PBX3: variants seen among roughly 807,000 people sequenced by gnomAD.
The protein encoded by PBX3 is pre-B-cell leukemia transcription factor 3.
PBX3 carries 14 observed loss-of-function variants against 48.5 expected under a neutral mutation model. The observed-to-expected ratio is 0.29, with a 90% CI of 0.19 to 0.45. The LOEUF (loss-of-function observed/expected upper bound fraction) is 0.45, where lower values mean the gene tolerates loss of function less well. PBX3 is among the 20% of genes least tolerant of loss of function. The pLI is 1.00. For synonymous variants in PBX3, 210 were observed against 200.3 expected (o/e 1.05, Z -0.41); for missense variants, 386 against 546.7 (o/e 0.71, Z 2.93).
intron 2 of PBX3, among the ~76,000 whole-genome samples, chr9:125,781,073 C>T (rs1380171203): frequency 6.1e-5 from 8 of 131,562 alleles, no homozygotes; most frequent in East Asian, 4.9e-4. Flanking sequence ...ACGTCCCAGA[C>T]GATGGGCAGC....
chr9:125,943,534 T>C (rs1395913727), intron 5 of PBX3, among the ~76,000 whole-genome samples: 2 of 152,140 alleles, frequency 1.3e-5, no homozygotes, highest in African/African-American at 4.8e-5. Flanking sequence ...CTCTTCTTCT[T>C]TCCAATTGAG....
At chr9:125,840,892 T>C (rs564431717) in intron 2 of PBX3, among the ~76,000 whole-genome samples, 69 of 152,228 alleles carry the variant, frequency 4.5e-4, no homozygotes, top group African/African-American at 1.5e-3. Context: ...TTTGTGAAAT[T>C]ATTTGCTTGT....
At chr9:125,828,504 C>T (rs1024534355) in intron 2 of PBX3, among the ~76,000 whole-genome samples, 14 of 152,202 alleles carry the variant, frequency 9.2e-5, no homozygotes, top group African/African-American at 3.4e-4. Flanking sequence ...ACTGGTAATA[C>T]AATTTTACCA....
At position 125,897,149 on chromosome 9, in the gene PBX3, T is replaced by TG. The variant is rs1357017291; in HGVS notation, c.275-18537_275-18536insG. Among the ~76,000 whole-genome samples, 311 of 134,554 alleles carry TG rather than the reference T, an allele frequency of 2.3e-3. 2 individuals are homozygous for TG. The highest frequency in any genetic ancestry group is 9.3e-3 in the African/African-American group (299 of 32,002). The allele number at this position is 134,554 out of a possible 152,430, so 88.3% of individuals were successfully genotyped here. A position where few individuals can be genotyped will look rare whatever the true frequency, so the allele number is the denominator to read the frequency against. On this transcript the variant is annotated intron_variant, in intron 2 of 8. Transcript: ENST00000373489. ...CTTTATATTCATTTGTGGTTTTTTT[T>TG]TTTTTTTTTTTTTCCTGTGCAAACA...
At chr9:125,858,717 C>T (rs1377865675) in intron 2 of PBX3, among the ~76,000 whole-genome samples, 1 of 150,608 alleles carries the variant, frequency 6.6e-6, no homozygotes, top group Non-Finnish European at 1.5e-5. Flanking sequence ...CCTCCGCCTC[C>T]TGGGTTCAAG....
intron 2 of PBX3, among the ~76,000 whole-genome samples, chr9:125,883,801 G>A (rs1840436215): frequency 6.6e-6 from 1 of 152,198 alleles, no homozygotes; most frequent in African/African-American, 2.4e-5. Flanking sequence ...AGCATTTATA[G>A]TACTAATAAA....
At chr9:125,813,336 C>G (rs751213248) in intron 2 of PBX3, among the ~76,000 whole-genome samples, 1 of 152,010 alleles carries the variant, frequency 6.6e-6, no homozygotes, top group African/African-American at 2.4e-5. Context: ...TAAGTAGGGT[C>G]ATGATCATCA....
chr9:125,936,315 C>T (rs1400125669), intron 5 of PBX3, among the ~76,000 whole-genome samples: 3 of 152,106 alleles, frequency 2.0e-5, no homozygotes, highest in Non-Finnish European at 4.4e-5. Flanking sequence ...ATAAATATAT[C>T]GTATTAGCAT....
At chr9:125,934,322 A>G (rs962765604) in intron 4 of PBX3, among the ~76,000 whole-genome samples, 1 of 152,170 alleles carries the variant, frequency 6.6e-6, no homozygotes, top group African/African-American at 2.4e-5. Context: ...ACAACAGCCT[A>G]CTGACTCTGT....
intron 2 of PBX3, among the ~76,000 whole-genome samples, chr9:125,810,791 G>A (rs918322415): frequency 6.6e-6 from 1 of 152,220 alleles, no homozygotes; most frequent in Non-Finnish European, 1.5e-5. Flanking sequence ...GAAGAAGGTG[G>A]TGCTGTGTGG....
At chr9:125,822,138 T>C (rs1838670779) in intron 2 of PBX3, among the ~76,000 whole-genome samples, 1 of 152,156 alleles carries the variant, frequency 6.6e-6, no homozygotes, top group Non-Finnish European at 1.5e-5. Flanking sequence ...TGAAGAATTA[T>C]GTAATTTTTC....
Position 125,839,683 on chromosome 9 carries a change from G to C in PBX3, c.275-76003G>C, listed in dbSNP as rs985608142. ...TAGGAAAGTTAGGGAAGATGTTTTG[G>C]ATATGTATAGTTTTGGATTACTGGA... is the stretch of plus-strand genomic sequence containing the variant. On this transcript the variant is annotated intron_variant, in intron 2 of 8. Transcript: ENST00000373489. Among the ~76,000 whole-genome samples, 4 of 152,122 alleles carry C rather than the reference G, an allele frequency of 2.6e-5. 1 individual carries two copies. In the South Asian group the frequency reaches 8.3e-4, roughly 31 times the overall value.
At chr9:125,899,261 A>T (rs1285342800) in intron 2 of PBX3, among the ~76,000 whole-genome samples, 17 of 129,270 alleles carry the variant, frequency 1.3e-4, no homozygotes, top group African/African-American at 3.3e-4. Flanking sequence ...ATATATATTT[A>T]TATATAAATA....
chr9:125,933,292 G>T (rs951593479), intron 4 of PBX3, among the ~76,000 whole-genome samples: 2 of 152,182 alleles, frequency 1.3e-5, no homozygotes, highest in Admixed American at 6.5e-5. Flanking sequence ...GACGAAGCAT[G>T]CACCAATGCA....
intron 3 of PBX3, among the ~76,000 whole-genome samples, chr9:125,921,600 G>T (rs193067332): frequency 6.6e-6 from 1 of 152,142 alleles, no homozygotes; most frequent in Admixed American, 6.5e-5. Flanking sequence ...ATGTAATTAG[G>T]TAAGAAGTGT....
intron 5 of PBX3, among the ~76,000 whole-genome samples, chr9:125,956,842 AC>A (rs1489796194): frequency 6.6e-6 from 1 of 152,080 alleles, no homozygotes; most frequent in Non-Finnish European, 1.5e-5. Flanking sequence ...CACTGTACAG[AC>A]CATTCCAGTT....
chr9:125,871,234 T>C (rs906317291), intron 2 of PBX3, among the ~76,000 whole-genome samples: 7 of 151,992 alleles, frequency 4.6e-5, no homozygotes, highest in African/African-American at 1.4e-4. Flanking sequence ...CCATCTCTAC[T>C]AAAAATACAA....
Position 125,966,007 on chromosome 9 carries a change from C to T in PBX3, c.*84C>T, listed in dbSNP as rs1842524149. 2 of 924,752 alleles carry T rather than the reference C, an allele frequency of 2.2e-6. No homozygotes were observed. The highest frequency in any genetic ancestry group is 1.9e-5 in the Admixed American group (1 of 53,946). 57.3% of individuals were successfully genotyped at this position (924,752 alleles called of 1,614,324 possible). Reference sequence around the variant, plus strand: ...GAGGAAAAGGAAAGCGTTTTTGTAGCCCACCATCTACAGCTTTACTGTAAA... The same window carrying T: ...GAGGAAAAGGAAAGCGTTTTTGTAGTCCACCATCTACAGCTTTACTGTAAA... On this transcript the variant is annotated 3_prime_UTR_variant, in exon 9 of 9. Transcript: ENST00000373489.
intron 2 of PBX3, among the ~76,000 whole-genome samples, chr9:125,840,590 A>G (rs1363624968): frequency 6.6e-6 from 1 of 151,790 alleles, no homozygotes; most frequent in African/African-American, 2.4e-5. Context: ...TTTCTTTCTT[A>G]ACTCCTCGAT....
Sources: gnomAD v4.1 joint callset for allele counts (sites outside exome capture counted in the v4.1 genomes callset) on GRCh38, gnomAD v4.1.1 for gene constraint, MANE v1.5 for transcripts, NCBI Gene and HGNC (gene_info 2026-07-23, HGNC 2026-07-21) for gene names.